HHIP: variants seen among roughly 807,000 people sequenced by gnomAD.
HHIP encodes the protein hedgehog interacting protein, also known as hedgehog-interacting protein.
A neutral mutation model predicts 74.0 loss-of-function variants in HHIP; 12 were observed. The observed-to-expected ratio is 0.16, with a 90% CI of 0.10 to 0.26. HHIP has a LOEUF of 0.26. HHIP is among the 10% of genes least tolerant of loss of function. The pLI is 1.00. For synonymous variants in HHIP, 309 were observed against 311.6 expected, an observed-to-expected ratio of 0.99 and a Z score of 0.09; for missense variants, 788 against 845.0, an observed-to-expected ratio of 0.93 and a Z score of 0.84.
chr4:144,698,752 T>C (rs1356185764), intron 4 of HHIP, among the ~76,000 whole-genome samples: 3 of 152,142 alleles, frequency 2.0e-5, no homozygotes, highest in East Asian at 1.9e-4. Context: ...CAGGGAATAG[T>C]GCAGGTCAGA....
intron 4 of HHIP, among the ~76,000 whole-genome samples, chr4:144,680,163 A>T (rs1729296033): frequency 6.6e-6 from 1 of 152,166 alleles, no homozygotes; most frequent in Non-Finnish European, 1.5e-5. Context: ...AGGTAGGAGT[A>T]GTTTTGTGCA....
In HHIP at chr4:144,738,198, A is replaced by G. The variant is rs1731174059; in HGVS notation, c.*241A>G. On this transcript the variant is annotated 3_prime_UTR_variant, in exon 13 of 13. Coordinates refer to ENST00000296575, the MANE Select transcript of HHIP (RefSeq NM_022475.3). ...GTTGCATAACAGATGATTTTTTAAA[A>G]TATATACTTCCTTATGCAAAGTAAT... is the stretch of plus-strand genomic sequence containing the variant. The G allele has an allele frequency of 9.1e-7, 1 of 1,095,458 alleles. No individual in the cohort carries two copies. The highest frequency in any genetic ancestry group is 1.1e-6 in the Non-Finnish European group (1 of 900,592). The allele number at this position is 1,095,458 out of a possible 1,614,324, so 67.9% of individuals were successfully genotyped here.
At position 144,670,884 on chromosome 4, in the gene HHIP, C is replaced by T. The variant is rs1049812031; in HGVS notation, c.831+11046C>T. Among the ~76,000 whole-genome samples the T allele has an allele frequency of 3.3e-5, 5 of 151,706 alleles. No individual in the cohort carries two copies. In the East Asian group the frequency reaches 5.8e-4, roughly 18 times the overall value. On this transcript the variant is annotated intron_variant, in intron 4 of 12. Coordinates refer to ENST00000296575, the MANE Select transcript of HHIP (RefSeq NM_022475.3). ...TTCTAGGAAAGCTGTGGTGATGAGG[C>T]TTCCGTAAGTGCAAATATCTTTGTG... is the stretch of plus-strand genomic sequence containing the variant.
At chr4:144,709,679 G>C (rs927475745) in intron 7 of HHIP, among the ~76,000 whole-genome samples, 5 of 152,072 alleles carry the variant, frequency 3.3e-5, no homozygotes, top group African/African-American at 1.2e-4. Flanking sequence ...ACTTGCTGTG[G>C]GGTGCTGAAC....
intron 2 of HHIP, among the ~76,000 whole-genome samples, chr4:144,654,078 G>T (rs944340115): frequency 1.3e-5 from 2 of 152,128 alleles, no homozygotes; most frequent in Non-Finnish European, 2.9e-5. Flanking sequence ...AATTGAAAGT[G>T]ATATCAACAC....
chr4:144,736,885 C>T (rs548818629), intron 12 of HHIP, among the ~76,000 whole-genome samples: 1 of 152,232 alleles, frequency 6.6e-6, no homozygotes, highest in African/African-American at 2.4e-5. Context: ...TCCCATGTGT[C>T]AACCACAGAC....
At chr4:144,682,462 T>A (rs1447267702) in intron 4 of HHIP, among the ~76,000 whole-genome samples, 2 of 152,356 alleles carry the variant, frequency 1.3e-5, no homozygotes, top group Non-Finnish European at 2.9e-5. Context: ...AAAAGAGTAT[T>A]TCAGGGACTG....
At chr4:144,735,483 G>T (rs555262328) in intron 12 of HHIP, among the ~76,000 whole-genome samples, 5 of 152,172 alleles carry the variant, frequency 3.3e-5, no homozygotes, top group Middle Eastern at 3.4e-3. Context: ...TTTATTCCAG[G>T]GTTGTTCTAG....
chr4:144,681,035 T>G (rs1351160852), intron 4 of HHIP, among the ~76,000 whole-genome samples: 1 of 152,198 alleles, frequency 6.6e-6, no homozygotes, highest in East Asian at 1.9e-4. Flanking sequence ...ATGACCAATT[T>G]TCAAAGAATG....
intron 11 of HHIP, among the ~76,000 whole-genome samples, chr4:144,725,092 T>C (rs991703466): frequency 1.3e-5 from 2 of 152,192 alleles, no homozygotes; most frequent in East Asian, 3.8e-4. Flanking sequence ...TCCTTTTGAA[T>C]ATCTTATACT....
At chr4:144,670,220 GGAGGCT>G (rs1222216621) in intron 4 of HHIP, among the ~76,000 whole-genome samples, 20 of 151,980 alleles carry the variant, frequency 1.3e-4, no homozygotes, top group Non-Finnish European at 2.5e-4. Flanking sequence ...CAGCACTTTG[GGAGGCT>G]GAGGCCGGCG....
At chr4:144,671,461 G>A (rs1729034941) in intron 4 of HHIP, among the ~76,000 whole-genome samples, 2 of 152,106 alleles carry the variant, frequency 1.3e-5, no homozygotes, top group Non-Finnish European at 2.9e-5. Flanking sequence ...AGAAGAATTA[G>A]TTATTGGAGA....
chr4:144,697,520 C>T (rs1186021999), intron 4 of HHIP, among the ~76,000 whole-genome samples: 1 of 151,964 alleles, frequency 6.6e-6, no homozygotes, highest in Non-Finnish European at 1.5e-5. Context: ...ATTCCTTGGG[C>T]ACATATATTA....
At chr4:144,668,365 GA>G (rs1728936130) in intron 4 of HHIP, among the ~76,000 whole-genome samples, 1 of 150,866 alleles carries the variant, frequency 6.6e-6, no homozygotes, top group Non-Finnish European at 1.5e-5. Context: ...AATCAGAGAA[GA>G]GAGAACTTTA....
chr4:144,648,665 C>T (rs916118770), intron 1 of HHIP: 1 of 152,088 alleles, frequency 6.6e-6, no homozygotes, highest in Non-Finnish European at 1.5e-5. Flanking sequence ...TGGTGCAATA[C>T]GTACTATGAA....
Position 144,715,476 on chromosome 4 carries a change from T to G in HHIP, c.1678+46T>G, listed in dbSNP as rs374532391. 6 of 1,572,196 alleles carry G rather than the reference T, an allele frequency of 3.8e-6. No homozygotes were observed. The African/African-American group carries it at 8.1e-5, about 21-fold the overall frequency. On this transcript the variant is annotated intron_variant, in intron 10 of 12. Coordinates refer to ENST00000296575, the MANE Select transcript of HHIP (RefSeq NM_022475.3). ...GTTAAGTTTCATTCTCACTTCCTTT[T>G]TCAAGAGGCTTTGTTCTGCCCTGAA...
intron 4 of HHIP, among the ~76,000 whole-genome samples, chr4:144,670,185 C>T (rs189358834): frequency 7.4e-5 from 11 of 148,656 alleles, no homozygotes; most frequent in African/African-American, 2.3e-4. Flanking sequence ...AATTGGTCCC[C>T]CGCAGTCGCT....
intron 11 of HHIP, among the ~76,000 whole-genome samples, chr4:144,730,163 C>T (rs1001448744): frequency 6.6e-6 from 1 of 152,174 alleles, no homozygotes; most frequent in Non-Finnish European, 1.5e-5. Flanking sequence ...ACTTATGCTT[C>T]TCAACTTCCC....
intron 4 of HHIP, among the ~76,000 whole-genome samples, chr4:144,697,060 T>G (rs1414788200): frequency 2.0e-5 from 3 of 152,040 alleles, no homozygotes; most frequent in Non-Finnish European, 4.4e-5. Context: ...AAATTTTTTG[T>G]TCAACAAGTC....
Sources: gnomAD v4.1 joint callset for allele counts (sites outside exome capture counted in the v4.1 genomes callset) on GRCh38, gnomAD v4.1.1 for gene constraint, MANE v1.5 for transcripts, NCBI Gene and HGNC (gene_info 2026-07-23, HGNC 2026-07-21) for gene names.